The following DNAH11 variants were observed in gnomAD, a reference collection of about 807,000 sequenced individuals.
The protein encoded by DNAH11 is dynein axonemal heavy chain 11, also known as axonemal beta dynein heavy chain 11.
A neutral mutation model predicts 526.0 loss-of-function variants in DNAH11; 442 were observed. The observed-to-expected ratio is 0.84, with a 90% confidence interval of 0.78 to 0.91. DNAH11 has a LOEUF of 0.91. DNAH11 is among the 40% of genes least tolerant of loss of function. DNAH11 has a pLI of 0.00. For missense variants in DNAH11, 6,989 were observed against 5,448.7 expected, an observed-to-expected ratio of 1.28 and a Z score of -8.90; for synonymous variants, 2,461 against 1,935.9, an observed-to-expected ratio of 1.27 and a Z score of -7.12.
intron 65 of DNAH11, among the ~76,000 whole-genome samples, chr7:21,828,409 G>T (rs937177203): frequency 6.6e-6 from 1 of 152,022 alleles, no homozygotes. Flanking sequence ...AAATTTAATT[G>T]CCACAAATCT....
At chr7:21,681,204 A>C (rs1783120178) in intron 30 of DNAH11, among the ~76,000 whole-genome samples, 2 of 152,140 alleles carry the variant, frequency 1.3e-5, no homozygotes, top group Non-Finnish European at 1.5e-5. Flanking sequence ...AGGTAGGCAG[A>C]TCACTCAAGG....
intron 12 of DNAH11, among the ~76,000 whole-genome samples, 181 bp from the exon 13 acceptor site, chr7:21,590,737 T>C (rs1487618535): frequency 1.8e-5 from 2 of 109,782 alleles, no homozygotes; most frequent in African/African-American, 6.4e-5. Context: ...CATATACCTT[T>C]ACTATATTAT....
At position 21,639,123 on chromosome 7, in the gene DNAH11, G is replaced by A. The variant is rs117981104; in HGVS notation, c.4944+58G>A. ...TGTGTTAGCTGAGGAATGTCATAGC[G>A]TCTCTATCATTGTCAAATGCTACCT... On this transcript the variant is annotated intron_variant, in intron 28 of 81. Transcript: ENST00000409508. The A allele has an allele frequency of 2.8e-3, 4,200 of 1,515,394 alleles. 182 individuals carry two copies. The East Asian group carries it at 0.069, about 25-fold the overall frequency. 93.9% of individuals were successfully genotyped at this position (1,515,394 alleles called of 1,614,324 possible). A position where few individuals can be genotyped will look rare whatever the true frequency, so the allele number is the denominator to read the frequency against.
chr7:21,801,166 G>C lies in DNAH11; in HGVS notation c.10056G>C (p.Thr3352=). Residue 3352 remains threonine, a synonymous_variant, in exon 62 of 82, where the codon ACG becomes ACC. Transcript: ENST00000409508. The part of the protein sequence containing the change: ...VDLDRNLSRL[T]ASFEKATAEK... ...TGGATCGAAATCTGAGCAGACTCAC[G>C]GCTTCATTTGAAAAAGCAACAGCTG... is the stretch of plus-strand genomic sequence containing the variant. 1.2e-6 allele frequency: 2 copies of C among 1,611,390 alleles called. No homozygotes were observed. Among genetic ancestry groups the C allele is most frequent in the South Asian group, 1.1e-5 (1 of 90,492 alleles).
At chr7:21,773,669 GACTT>G in intron 55 of DNAH11, 93 bp from the exon 56 acceptor site, 2 of 935,340 alleles carry the variant, frequency 2.1e-6, no homozygotes, top group South Asian at 2.4e-5. Context: ...TTTTTTTTCT[GACTT>G]TTAGAAAAAA....
chr7:21,724,767 AATATAGGAGT>A (rs1479800043), intron 44 of DNAH11, among the ~76,000 whole-genome samples: 54 of 149,762 alleles, frequency 3.6e-4, no homozygotes, highest in Middle Eastern at 3.6e-3. Context: ...TCATCCTATG[AATATAGGAGT>A]CACTGGGCCA....
At chr7:21,756,365 T>G (rs766440831) in intron 54 of DNAH11, among the ~76,000 whole-genome samples, 2 of 152,104 alleles carry the variant, frequency 1.3e-5, no homozygotes, top group African/African-American at 2.4e-5. Flanking sequence ...CTGTCTGTTA[T>G]GTCCCATTAA....
intron 79 of DNAH11, among the ~76,000 whole-genome samples, chr7:21,899,021 ATGACCTT>A (rs1239501265): frequency 1.3e-5 from 2 of 152,322 alleles, no homozygotes; most frequent in Middle Eastern, 3.4e-3. Context: ...TCATAGGGTG[ATGACCTT>A]TGTATAGTCA....
intron 66 of DNAH11, 51 bp from the exon 67 acceptor site, chr7:21,852,416 A>G: frequency 6.5e-7 from 1 of 1,533,510 alleles, no homozygotes; most frequent in Non-Finnish European, 8.7e-7. Context: ...AAAAAAAAAA[A>G]AAAAAAAGTA....
At chr7:21,759,041 T>G (rs181475940) in intron 54 of DNAH11, among the ~76,000 whole-genome samples, 7 of 152,288 alleles carry the variant, frequency 4.6e-5, no homozygotes, top group Admixed American at 2.0e-4. Context: ...AAAACAAAAC[T>G]TATACGTTGT....
At chr7:21,574,720 C>A (rs1006198163) in intron 8 of DNAH11, among the ~76,000 whole-genome samples, 1 of 149,756 alleles carries the variant, frequency 6.7e-6, no homozygotes, top group African/African-American at 2.5e-5. Context: ...CACACCACCA[C>A]GCCCAGGTAA....
At chr7:21,663,588 T>C (rs1782316331) in intron 30 of DNAH11, among the ~76,000 whole-genome samples, 1 of 152,164 alleles carries the variant, frequency 6.6e-6, no homozygotes, top group Non-Finnish European at 1.5e-5. Flanking sequence ...GAGCATTTTT[T>C]CAGATGTCCT....
chr7:21,735,657 A>G lies in DNAH11; in HGVS notation c.7458A>G (p.Thr2486=). ...CCTCCCAGACAGTTCTCGTTCACACAACAGAGACAGCTCGTCTTAGATATT... is the reference window on the plus strand; with the variant it reads ...CCTCCCAGACAGTTCTCGTTCACACGACAGAGACAGCTCGTCTTAGATATT... ...DVPLQTVLVH[T]TETARLRYFM... Residue 2486 remains threonine, a synonymous_variant, in exon 46 of 82, where the codon ACA becomes ACG. Coordinates refer to ENST00000409508, the MANE Select transcript of DNAH11 (RefSeq NM_001277115.2). The G allele has an allele frequency of 6.3e-7, 1 of 1,596,216 alleles. No individual in the cohort carries two copies. Among genetic ancestry groups the G allele is most frequent in the East Asian group, 2.2e-5 (1 of 44,498 alleles).
intron 54 of DNAH11, among the ~76,000 whole-genome samples, chr7:21,751,424 A>G (rs1562525928): frequency 6.6e-6 from 1 of 152,238 alleles, no homozygotes; most frequent in Non-Finnish European, 1.5e-5. Context: ...GGCAGATAAT[A>G]TAACCAGATA....
intron 28 of DNAH11, among the ~76,000 whole-genome samples, chr7:21,652,241 G>T (rs1781808483): frequency 6.6e-6 from 1 of 152,128 alleles, no homozygotes; most frequent in South Asian, 2.1e-4. Context: ...ATGTACCAGA[G>T]GAAGTGATGC....
intron 28 of DNAH11, among the ~76,000 whole-genome samples, chr7:21,650,646 T>A (rs1787586021): frequency 6.6e-6 from 1 of 151,592 alleles, no homozygotes; most frequent in African/African-American, 2.4e-5. Flanking sequence ...TTATTATTAT[T>A]TTTTTCTTTG....
chr7:21,543,576 C>A lies in DNAH11; in HGVS notation c.331C>A (p.Arg111Ser). 6.3e-7 allele frequency: 1 copy of A among 1,598,480 alleles called. No individual in the cohort carries two copies. Among genetic ancestry groups the A allele is most frequent in the Non-Finnish European group, 8.5e-7 (1 of 1,172,254 alleles). ...CLVFSFAASG[R>S]LAASQEIPRD... Reference sequence around the variant, plus strand: ...TGTGTTTAGCTTCGCCGCCTCGGGGCGCCTTGCGGCTTCCCAGGAGGTAAG... The same window carrying A: ...TGTGTTTAGCTTCGCCGCCTCGGGGAGCCTTGCGGCTTCCCAGGAGGTAAG... The change falls in exon 1 of 82, where the codon CGC (arginine) becomes AGC (serine). Residue 111 changes from arginine (R) to serine (S), a missense_variant. Arg to Ser is a moderately radical substitution (Grantham distance 110, BLOSUM62 -1). Coordinates refer to ENST00000409508, the MANE Select transcript of DNAH11 (RefSeq NM_001277115.2).
intron 55 of DNAH11, among the ~76,000 whole-genome samples, chr7:21,769,701 T>C (rs890745536): frequency 1.7e-4 from 26 of 152,054 alleles, no homozygotes; most frequent in African/African-American, 6.0e-4. Context: ...CCCAGGCTGG[T>C]CTCAAACTCT....
Position 21,789,496 on chromosome 7 carries a change from G to T in DNAH11, c.10026+154G>T, listed in dbSNP as rs17292557. ...GTATTTCCTTATATACCATTCAGTA[G>T]GTATTTCTTATCTGCTCTGTGGTAG... On this transcript the variant is annotated intron_variant, in intron 61 of 81. Coordinates refer to ENST00000409508, the MANE Select transcript of DNAH11 (RefSeq NM_001277115.2). Among the ~76,000 whole-genome samples, 459 of 152,176 alleles carry T rather than the reference G, an allele frequency of 3.0e-3. No individual in the cohort carries two copies. The highest frequency in any genetic ancestry group is 4.4e-3 in the Non-Finnish European group (301 of 68,014).
Sources: allele counts gnomAD v4.1 joint callset (sites outside exome capture counted in the v4.1 genomes callset), GRCh38; gene constraint gnomAD v4.1.1; transcripts MANE v1.5; gene names NCBI Gene and HGNC (gene_info 2026-07-23, HGNC 2026-07-21).